GSTA2: variants seen among roughly 807,000 people sequenced by gnomAD.
GSTA2 encodes the protein glutathione S-transferase alpha 2, also known as glutathione S-transferase A2.
GSTA2 carries 27 observed loss-of-function variants against 22.4 expected under a neutral mutation model. The observed-to-expected ratio is 1.21, with a 90% CI of 0.89 to 1.67. GSTA2 has a LOEUF of 1.67. GSTA2 is among the 40% of genes most tolerant of loss of function. The pLI, the probability that GSTA2 is intolerant of heterozygous loss-of-function variation, is 0.00. For missense variants in GSTA2, 302 were observed against 260.2 expected (o/e 1.16, Z -1.11); for synonymous variants, 121 against 86.8 (o/e 1.39, Z -2.19).
At chr6:52,762,132 G>C (rs574994606) in intron 1 of GSTA2, among the ~76,000 whole-genome samples, 2 of 148,674 alleles carry the variant, frequency 1.3e-5, no homozygotes, top group East Asian at 3.9e-4. Flanking sequence ...GCGGAAGGCC[G>C]CAGGGACCTC....
chr6:52,757,918 G>A lies in GSTA2; in HGVS notation c.30C>T (p.Ser10=). 6.2e-7 allele frequency: 1 copy of A among 1,613,690 alleles called. No homozygotes were observed. The highest frequency in any genetic ancestry group is 8.5e-7 in the Non-Finnish European group (1 of 1,179,694). The change falls in exon 2 of 7, where the codon TCC becomes TCT. Residue 10 remains serine, a synonymous_variant. Coordinates refer to ENST00000493422, the MANE Select transcript of GSTA2 (RefSeq NM_000846.5). MAEKPKLHY[S]NIRGRMESIR... is the part of the protein sequence containing the mutation. The stretch of plus-strand genomic sequence containing the variant: ...TGGACTCCATTCTGCCCCGTATATT[G>A]GAGTAGTGGAGCTTGGGCTTCTCTG...
In GSTA2 at chr6:52,752,924, T is replaced by C; in HGVS notation, c.344A>G (p.Glu115Gly). 1 of 1,614,060 alleles carries C rather than the reference T, an allele frequency of 6.2e-7. No homozygotes were observed. The highest frequency in any genetic ancestry group is 8.5e-7 in the Non-Finnish European group (1 of 1,179,916). ...CAAGGCAAGCTTGGCATCTTGTTCC[T>C]CAGGTTGACTAAAGGGCAGAAGAAG... Reference protein sequence around the residue: ...MILLLPFSQPEEQDAKLALIQ... With the variant: ...MILLLPFSQPGEQDAKLALIQ... Residue 115 changes from glutamate to glycine, a missense_variant, in exon 5 of 7, where the codon GAG (glutamate) becomes GGG (glycine). Physicochemically the swap from Glu to Gly is moderately conservative, Grantham distance 98 (BLOSUM62 -2). Transcript: ENST00000493422.
At position 52,757,926 on chromosome 6, in the gene GSTA2, G is replaced by T. The variant is rs139552194; in HGVS notation, c.22C>A (p.His8Asn). 1.1e-4 allele frequency: 173 copies of T among 1,613,626 alleles called. No homozygotes were observed. Among genetic ancestry groups the T allele is most frequent in the Non-Finnish European group, 7.4e-5 (87 of 1,179,624 alleles). The change falls in exon 2 of 7, where the codon CAC (histidine) becomes AAC (asparagine). Residue 8 changes from histidine to asparagine, a missense_variant. Physicochemically the swap from His to Asn is moderately conservative, Grantham distance 68. Coordinates refer to ENST00000493422, the MANE Select transcript of GSTA2 (RefSeq NM_000846.5). MAEKPKLHYSNIRGRMES... is the reference protein window; with the variant it reads MAEKPKLNYSNIRGRMES... ...ATTCTGCCCCGTATATTGGAGTAGT[G>T]GAGCTTGGGCTTCTCTGCCATGGTA...
At chr6:52,752,322 G>A (rs1262358102) in intron 5 of GSTA2, among the ~76,000 whole-genome samples, 3 of 152,186 alleles carry the variant, frequency 2.0e-5, no homozygotes, top group Admixed American at 6.5e-5. Flanking sequence ...GGAGTGAACT[G>A]CTCTGATGTC....
At chr6:52,754,275 A>G (rs1449969130) in intron 4 of GSTA2, among the ~76,000 whole-genome samples, 1 of 152,194 alleles carries the variant, frequency 6.6e-6, no homozygotes, top group Non-Finnish European at 1.5e-5. Flanking sequence ...GTAATACCAT[A>G]TTAAAGTTTT....
intron 6 of GSTA2, 123 bp downstream of exon 6, chr6:52,751,454 C>A (rs1241844245): frequency 1.9e-6 from 3 of 1,583,434 alleles, no homozygotes; most frequent in Admixed American, 3.5e-5. Flanking sequence ...ATTTTGGAGA[C>A]CTTGGGGCAC....
intron 5 of GSTA2, among the ~76,000 whole-genome samples, chr6:52,752,190 C>T (rs1762753359): frequency 6.6e-6 from 1 of 152,172 alleles, no homozygotes; most frequent in Admixed American, 6.5e-5. Flanking sequence ...CTCCTCATTC[C>T]CTGCTCTATC....
At position 52,755,046 on chromosome 6, in the gene GSTA2, T is replaced by C. The variant is rs1438904257; in HGVS notation, c.169A>G (p.Met57Val). ...AGCTTCATCCCATCAATCTCAACCA[T>C]TGGCACTTGCTGGAACATCAAATAT... The part of the protein sequence containing the change: ...DGYLMFQQVP[M>V]VEIDGMKLVQ... Residue 57 changes from methionine to valine, a missense_variant, in exon 4 of 7, where the codon ATG becomes GTG. Coordinates refer to ENST00000493422, the MANE Select transcript of GSTA2 (RefSeq NM_000846.5). 10 of 1,613,956 alleles carry C rather than the reference T, an allele frequency of 6.2e-6. No homozygotes were observed. Among genetic ancestry groups the C allele is most frequent in the African/African-American group, 1.3e-5 (1 of 74,862 alleles).
chr6:52,753,416 G>T (rs1249743179), intron 4 of GSTA2, among the ~76,000 whole-genome samples: 1 of 152,246 alleles, frequency 6.6e-6, no homozygotes, highest in South Asian at 2.1e-4. Flanking sequence ...TGCTTCCTAA[G>T]TAATCCTAAG....
chr6:52,757,828 A>T, intron 2 of GSTA2, 33 bp downstream of exon 2: 3 of 1,562,352 alleles, frequency 1.9e-6, no homozygotes, highest in Non-Finnish European at 1.8e-6. Flanking sequence ...GCAATCGTAA[A>T]TCTGACTTAA....
At position 52,750,427 on chromosome 6, in the gene GSTA2, G is replaced by A; in HGVS notation, c.*150C>T. The A allele has an allele frequency of 1.5e-6, 1 of 668,320 alleles. No homozygotes were observed. Among genetic ancestry groups the A allele is most frequent in the Non-Finnish European group, 2.4e-6 (1 of 411,726 alleles). 41.4% of individuals were successfully genotyped at this position (668,320 alleles called of 1,614,324 possible). On this transcript the variant is annotated 3_prime_UTR_variant, in exon 7 of 7. Coordinates refer to ENST00000493422, the MANE Select transcript of GSTA2 (RefSeq NM_000846.5). ...AGAAATCAATTTTAACTAAGTGGGT[G>A]AATAGGAGTTGTATTATTTAATTAG...
chr6:52,759,434 G>A (rs1466486630), intron 1 of GSTA2, among the ~76,000 whole-genome samples: 1 of 152,072 alleles, frequency 6.6e-6, no homozygotes, highest in Non-Finnish European at 1.5e-5. Context: ...CCAGGACTTA[G>A]GAATAGTTGC....
At chr6:52,758,243 T>A (rs917300348) in intron 1 of GSTA2, among the ~76,000 whole-genome samples, 3 of 152,160 alleles carry the variant, frequency 2.0e-5, no homozygotes, top group Admixed American at 2.0e-4. Flanking sequence ...TATGTGGTAA[T>A]AATACATGTA....
At chr6:52,759,268 T>C (rs1762906418) in intron 1 of GSTA2, among the ~76,000 whole-genome samples, 1 of 152,170 alleles carries the variant, frequency 6.6e-6, no homozygotes. Context: ...ATCAGTGAAA[T>C]TTGATAGCCC....
intron 1 of GSTA2, among the ~76,000 whole-genome samples, chr6:52,759,743 C>A (rs970910818): frequency 3.3e-5 from 5 of 151,668 alleles, no homozygotes; most frequent in African/African-American, 9.7e-5. Context: ...TGCCAGCACA[C>A]CTGGATAATT....
intron 3 of GSTA2, 63 bp from the exon 4 acceptor site, chr6:52,755,138 A>G (rs1762816443): frequency 1.9e-6 from 3 of 1,587,702 alleles, no homozygotes; most frequent in Non-Finnish European, 2.6e-6. Context: ...TCAGGATGAA[A>G]AAAAATGGTT....
rs563837299 is a variant in GSTA2, at chr6:52,755,200, G to A, written c.140-125C>T. 3 of 1,088,568 alleles carry A rather than the reference G, an allele frequency of 2.8e-6. No homozygotes were observed. The South Asian group carries it at 4.6e-5, about 17-fold the overall frequency. 67.4% of individuals were successfully genotyped at this position (1,088,568 alleles called of 1,614,324 possible). A position where few individuals can be genotyped will look rare whatever the true frequency, so the allele number is the denominator to read the frequency against. On this transcript the variant is annotated intron_variant, in intron 3 of 6. Transcript: ENST00000493422. ...AAAAAGAAATTACTGCCTGGTAAGA[G>A]TTCACTTGAAACAACTTTTTTTTTT...
intron 2 of GSTA2, 29 bp downstream of exon 2, chr6:52,757,832 G>C: frequency 6.3e-7 from 1 of 1,576,814 alleles, no homozygotes; most frequent in Non-Finnish European, 8.7e-7. Flanking sequence ...TCGTAAATCT[G>C]ACTTAAGATG....
At chr6:52,758,495 A>G (rs539446897) in intron 1 of GSTA2, among the ~76,000 whole-genome samples, 8 of 152,286 alleles carry the variant, frequency 5.3e-5, no homozygotes, top group African/African-American at 1.9e-4. Context: ...AAATGAAATC[A>G]TGCCTGGAAG....
Sources: allele counts gnomAD v4.1 joint callset (sites outside exome capture counted in the v4.1 genomes callset), GRCh38; gene constraint gnomAD v4.1.1; transcripts MANE v1.5; gene names NCBI Gene and HGNC (gene_info 2026-07-23, HGNC 2026-07-21).